Variants in ERBB2 observed in about 807,000 individuals in gnomAD.
The protein encoded by ERBB2 is erb-b2 receptor tyrosine kinase 2.
In ERBB2, 61 loss-of-function variants were observed where a neutral mutation model predicts 149.0. The ratio of observed to expected loss-of-function variants is 0.41; its 90% CI spans 0.33 to 0.51. The LOEUF is 0.51. Among genes scored for constraint, ERBB2 ranks in the 20% least tolerant of loss-of-function variants. ERBB2 has a pLI of 0.25. For synonymous variants in ERBB2, 633 were observed against 678.8 expected (o/e 0.93, Z 1.05); for missense variants, 1,205 against 1,655.1 (o/e 0.73, Z 4.72).
At chr17:39,724,272 A>ATTTTTTCTTTTTTTTTTTT (rs547454526) in intron 19 of ERBB2, among the ~76,000 whole-genome samples, 1 of 77,016 alleles carries the variant, frequency 1.3e-5, no homozygotes, top group Non-Finnish European at 2.7e-5. Context: ...GCGCCCGCTA[A>ATTTTTTCTTTTTTTTTTTT]TTTTTTTTTT....
intron 1 of ERBB2, among the ~76,000 whole-genome samples, chr17:39,700,861 T>G (rs1430005985): frequency 6.6e-6 from 1 of 151,970 alleles, no homozygotes; most frequent in Non-Finnish European, 1.5e-5. Flanking sequence ...CATAGCAACC[T>G]GTCCCAACCA....
chr17:39,719,628 G>A (rs918577884), intron 15 of ERBB2, among the ~76,000 whole-genome samples, 159 bp from the exon 16 acceptor site: 13 of 152,218 alleles, frequency 8.5e-5, no homozygotes, highest in African/African-American at 3.1e-4. Flanking sequence ...TCCTTGTGAG[G>A]TGGTAGAAGG....
At chr17:39,719,326 G>A (rs993426564) in intron 15 of ERBB2, among the ~76,000 whole-genome samples, 2 of 152,006 alleles carry the variant, frequency 1.3e-5, no homozygotes, top group South Asian at 2.1e-4. Context: ...TCCAGATCAC[G>A]GTGTTAGAAC....
Position 39,726,231 on chromosome 17 carries a change from G to A in ERBB2, c.2873-331G>A, listed in dbSNP as rs2059749521. On this transcript the variant is annotated intron_variant, in intron 23 of 26. Coordinates refer to ENST00000269571, the MANE Select transcript of ERBB2 (RefSeq NM_004448.4). This position sits in a 1 kb window ranked among gnomAD's most constrained non-coding sequence, Gnocchi z 5.1. ...TGCCAGTAGTCCCAGCTACTCAGGAGAGGCTGAGGCAGGAAGATCACTTGA... is the reference window on the plus strand; with the variant it reads ...TGCCAGTAGTCCCAGCTACTCAGGAAAGGCTGAGGCAGGAAGATCACTTGA... The A allele has an allele frequency of 9.5e-6, 4 of 422,930 alleles. No homozygotes were observed. In the East Asian group the frequency reaches 1.3e-4, roughly 14 times the overall value. The allele number at this position is 422,930 out of a possible 1,614,324, so 26.2% of individuals were successfully genotyped here.
At chr17:39,716,876 C>T (rs189330859) in intron 14 of ERBB2, 22 of 509,268 alleles carry the variant, frequency 4.3e-5, no homozygotes, top group Admixed American at 1.3e-4. Flanking sequence ...TGGGCTCAGG[C>T]GTCAGACTAC....
At chr17:39,691,574 T>TATATAAACAC (rs1244087250), upstream of ERBB2, among the ~76,000 whole-genome samples, 1 of 122,064 alleles carries the variant, frequency 8.2e-6, no homozygotes, top group African/African-American at 4.0e-5. Flanking sequence ...TATATATATA[T>TATATAAACAC]ACACACACAC....
In ERBB2 at chr17:39,723,478, C is replaced by T. The variant is rs2145808634; in HGVS notation, c.2085+21C>T. ...CGGAGGTGAGGCGGGGTGAAGTCCT[C>T]CCAGCCCGCGTGGGGTCTGCACCGG... On this transcript the variant is annotated intron_variant, in intron 17 of 26. Coordinates refer to ENST00000269571, the MANE Select transcript of ERBB2 (RefSeq NM_004448.4). The surrounding 1 kb of genome is among the most constrained non-coding windows in gnomAD (Gnocchi z 6.2). The T allele has an allele frequency of 6.2e-7, 1 of 1,613,980 alleles. No homozygotes were observed. Among genetic ancestry groups the T allele is most frequent in the Non-Finnish European group, 8.5e-7 (1 of 1,179,952 alleles).
Position 39,727,542 on chromosome 17 carries a change from A to G in ERBB2, c.3407A>G (p.Gln1136Arg), listed in dbSNP as rs1357502140. The G allele has an allele frequency of 6.3e-7, 1 of 1,599,910 alleles. No homozygotes were observed. Among genetic ancestry groups the G allele is most frequent in the South Asian group, 1.1e-5 (1 of 89,008 alleles). ...GYVAPLTCSPQPEYVNQPDVR... is the reference protein window; with the variant it reads ...GYVAPLTCSPRPEYVNQPDVR... ...GTTGCCCCCCTGACCTGCAGCCCCCAGCCTGGTATGGAGTCCAGTCTAAGC... is the reference window on the plus strand; with the variant it reads ...GTTGCCCCCCTGACCTGCAGCCCCCGGCCTGGTATGGAGTCCAGTCTAAGC... Residue 1136 changes from glutamine to arginine, a missense_variant, in exon 26 of 27, where the codon CAG (glutamine) becomes CGG (arginine). Around this residue, in one of 6 missense-constraint regions of ERBB2, gnomAD observed 312 missense variants for 343.8 expected, o/e 0.91. Transcript: ENST00000269571. The surrounding 1 kb of genome is among the most constrained non-coding windows in gnomAD (Gnocchi z 4.3).
chr17:39,724,505 G>A (rs924632074), intron 19 of ERBB2, among the ~76,000 whole-genome samples: 22 of 151,722 alleles, frequency 1.5e-4, no homozygotes, highest in African/African-American at 4.8e-4. Context: ...TGATCCGCCC[G>A]CCTCGGCCTC....
Position 39,728,626 on chromosome 17 carries a change from C to T in ERBB2, c.*582C>T, listed in dbSNP as rs2059904032. ...TGTGGGGGGTCCTTCTCCACACCCA[C>T]TTTGTCCATTTGCAAATATATTTTG... On this transcript the variant is annotated 3_prime_UTR_variant, in exon 27 of 27. Transcript: ENST00000269571. The T allele has an allele frequency of 1.7e-5, 4 of 233,284 alleles. No individual in the cohort carries two copies. The South Asian group carries it at 7.2e-4, about 42-fold the overall frequency. The allele number at this position is 233,284 out of a possible 1,614,324, so 14.5% of individuals were successfully genotyped here. A position where few individuals can be genotyped will look rare whatever the true frequency, so the allele number is the denominator to read the frequency against.
intron 1 of ERBB2, among the ~76,000 whole-genome samples, chr17:39,688,432 CTGCCTCTACTTT>C (rs1295483153): frequency 6.6e-6 from 1 of 152,230 alleles, no homozygotes; most frequent in Non-Finnish European, 1.5e-5. Context: ...ATGGCTCTCC[CTGCCTCTACTTT>C]TGCCTCTTCC....
At chr17:39,717,146 G>T in intron 14 of ERBB2, 174 bp from the exon 15 acceptor site, 1 of 538,676 alleles carries the variant, frequency 1.9e-6, no homozygotes, top group East Asian at 3.0e-5. Context: ...GGAGGGCCCC[G>T]AGGGAGGGGC....
In ERBB2 at chr17:39,726,794, C is replaced by T. The variant is rs752263808; in HGVS notation, c.2971-21C>T. ...GCTGGGCTGGGGAGGGGCCACCATC[C>T]TGCCTCTCCTTCCTCCACAGAATGA... On this transcript the variant is annotated intron_variant, in intron 24 of 26. Coordinates refer to ENST00000269571, the MANE Select transcript of ERBB2 (RefSeq NM_004448.4). This position sits in a 1 kb window ranked among gnomAD's most constrained non-coding sequence, Gnocchi z 5.1. 6.2e-7 allele frequency: 1 copy of T among 1,607,332 alleles called. No homozygotes were observed. The highest frequency in any genetic ancestry group is 1.7e-5 in the Admixed American group (1 of 59,822).
At chr17:39,708,579 T>C (rs2145450086) in intron 3 of ERBB2, 45 bp downstream of exon 3, 1 of 1,491,994 alleles carries the variant, frequency 6.7e-7, no homozygotes, top group Non-Finnish European at 9.3e-7. Flanking sequence ...TATTCAGAGC[T>C]GACCAGGGCC....
chr17:39,703,373 A>G (rs956508893), intron 1 of ERBB2: 1 of 152,224 alleles, frequency 6.6e-6, no homozygotes, highest in Non-Finnish European at 1.5e-5. Context: ...CTAGAGTGAC[A>G]TCTCCATCTT....
At position 39,713,915 on chromosome 17, in the gene ERBB2, G is replaced by A. The variant is rs146818829; in HGVS notation, c.1149-1371G>A. Among the ~76,000 whole-genome samples, 86 of 151,758 alleles carry A rather than the reference G, an allele frequency of 5.7e-4. 1 individual carries two copies. The Middle Eastern group carries it at 0.01, about 18-fold the overall frequency. On this transcript the variant is annotated intron_variant, in intron 9 of 26. Coordinates refer to ENST00000269571, the MANE Select transcript of ERBB2 (RefSeq NM_004448.4). ...TACAAAAAAACACAAAAAATTAGCC[G>A]GGCATGGTGGTACGCACCTGTAGTC... is the stretch of plus-strand genomic sequence containing the variant.
At chr17:39,715,562 G>A (rs758995658) in intron 11 of ERBB2, 26 bp downstream of exon 11, 44 of 1,607,944 alleles carry the variant, frequency 2.7e-5, no homozygotes, top group Non-Finnish European at 1.7e-6. Flanking sequence ...GAGGGGGCCT[G>A]ATGGGGAGGA....
In ERBB2 at chr17:39,727,977, C is replaced by G. The variant is rs2143316649; in HGVS notation, c.3701C>G (p.Pro1234Arg). The G allele has an allele frequency of 6.2e-7, 1 of 1,613,512 alleles. No individual in the cohort carries two copies. Among genetic ancestry groups the G allele is most frequent in the Non-Finnish European group, 8.5e-7 (1 of 1,179,942 alleles). ...GACCCACCAGAGCGGGGGGCTCCAC[C>G]CAGCACCTTCAAAGGGACACCTACG... is the stretch of plus-strand genomic sequence containing the variant. Reference protein sequence around the residue: ...DQDPPERGAPPSTFKGTPTAE... With the variant: ...DQDPPERGAPRSTFKGTPTAE... The change falls in exon 27 of 27, where the codon CCC (proline) becomes CGC (arginine). Residue 1234 changes from proline (P) to arginine (R), a missense_variant. Pro to Arg is a moderately radical substitution (Grantham distance 103, BLOSUM62 -2). Coordinates refer to ENST00000269571, the MANE Select transcript of ERBB2 (RefSeq NM_004448.4). This position sits in a 1 kb window ranked among gnomAD's most constrained non-coding sequence, Gnocchi z 4.3.
rs886754869 is a variant in ERBB2, at chr17:39,728,256, G to A, written c.*212G>A. On this transcript the variant is annotated 3_prime_UTR_variant, in exon 27 of 27. Coordinates refer to ENST00000269571, the MANE Select transcript of ERBB2 (RefSeq NM_004448.4). ...TCGTTGGAAGAGGAACAGCACTGGG[G>A]AGTCTTTGTGGATTCTGAGGCCCTG... 46 of 495,850 alleles carry A rather than the reference G, an allele frequency of 9.3e-5. No homozygotes were observed. In the Admixed American group the frequency reaches 1.1e-3, roughly 12 times the overall value. 30.7% of individuals were successfully genotyped at this position (495,850 alleles called of 1,614,324 possible).
Sources: allele counts gnomAD v4.1 joint callset (sites outside exome capture counted in the v4.1 genomes callset), GRCh38; gene constraint gnomAD v4.1.1; regional missense constraint gnomAD v4.1.1; non-coding constraint Gnocchi (gnomAD v3.1); transcripts MANE v1.5; gene names NCBI Gene and HGNC (gene_info 2026-07-23, HGNC 2026-07-21).